TMEM132B: variants seen among roughly 807,000 people sequenced by gnomAD.
The protein encoded by TMEM132B is transmembrane protein 132B.
Under a neutral mutation model 90.8 loss-of-function variants are expected in TMEM132B, and 18 were observed. The observed-to-expected ratio is 0.20, with a 90% confidence interval of 0.14 to 0.29. The LOEUF is 0.29. TMEM132B is among the 10% of genes least tolerant of loss of function. TMEM132B has a pLI of 1.00. For missense variants in TMEM132B, 1,096 were observed against 1,326.8 expected, an observed-to-expected ratio of 0.83 and a Z score of 2.70; for synonymous variants, 504 against 523.3, an observed-to-expected ratio of 0.96 and a Z score of 0.50.
intron 5 of TMEM132B, among the ~76,000 whole-genome samples, chr12:125,589,984 G>A (rs915549298): frequency 3.3e-5 from 5 of 152,096 alleles, no homozygotes; most frequent in African/African-American, 1.2e-4. Flanking sequence ...TCATAGGTGC[G>A]GATCCCTCAT....
Position 125,477,166 on chromosome 12 carries a change from C to T in TMEM132B, c.1107-42273C>T, listed in dbSNP as rs568448525. On this transcript the variant is annotated intron_variant, in intron 3 of 8. Coordinates refer to ENST00000682704, the MANE Select transcript of TMEM132B (RefSeq NM_001366854.1). ...TGATAATTTATGTCTTTATCAACTGCGCATTTTACTTCTCACTGGGTTTTG... is the reference window on the plus strand; with the variant it reads ...TGATAATTTATGTCTTTATCAACTGTGCATTTTACTTCTCACTGGGTTTTG... Among the ~76,000 whole-genome samples the T allele has an allele frequency of 1.1e-3, 161 of 152,230 alleles. 16 individuals are homozygous for T. Among genetic ancestry groups the T allele is most frequent in the South Asian group, 4.1e-4 (2 of 4,820 alleles).
At chr12:125,210,729 C>T (rs918603201) in intron 1 of TMEM132B, among the ~76,000 whole-genome samples, 2 of 152,020 alleles carry the variant, frequency 1.3e-5, no homozygotes, top group African/African-American at 4.8e-5. Context: ...TTTGGGAGGC[C>T]GAGGTGGGCA....
intron 1 of TMEM132B, among the ~76,000 whole-genome samples, chr12:125,322,751 T>TA (rs1305355430): frequency 6.6e-6 from 1 of 152,146 alleles, no homozygotes; most frequent in Non-Finnish European, 1.5e-5. Context: ...TGATTATAAT[T>TA]AAAAAAATTC....
At chr12:125,578,919 G>A (rs1217608630) in intron 4 of TMEM132B, among the ~76,000 whole-genome samples, 7 of 151,974 alleles carry the variant, frequency 4.6e-5, no homozygotes, top group South Asian at 4.2e-4. Flanking sequence ...ATCTAGGTGC[G>A]GATCTCTCTG....
intron 5 of TMEM132B, chr12:125,622,554 C>T: frequency 1.0e-6 from 1 of 985,370 alleles, no homozygotes; most frequent in African/African-American, 1.7e-5. Context: ...TCACATCAAG[C>T]CTTCCTCGGT....
At chr12:125,265,265 A>G (rs879013177) in intron 1 of TMEM132B, among the ~76,000 whole-genome samples, 2 of 152,118 alleles carry the variant, frequency 1.3e-5, no homozygotes, top group African/African-American at 4.8e-5. Flanking sequence ...CAAGATCCCC[A>G]GTGGACGCCT....
intron 5 of TMEM132B, among the ~76,000 whole-genome samples, chr12:125,614,663 C>G (rs1178152263): frequency 8.5e-5 from 13 of 152,096 alleles, no homozygotes; most frequent in Non-Finnish European, 1.9e-4. Flanking sequence ...AAAGAGAACA[C>G]TTTTAGTGGG....
At chr12:125,221,478 A>C (rs1873555680) in intron 1 of TMEM132B, among the ~76,000 whole-genome samples, 1 of 152,232 alleles carries the variant, frequency 6.6e-6, no homozygotes, top group Non-Finnish European at 1.5e-5. Flanking sequence ...AAAATGTTTG[A>C]GATCTGAAAA....
intron 3 of TMEM132B, among the ~76,000 whole-genome samples, chr12:125,439,508 A>G (rs571086835): frequency 6.6e-6 from 1 of 152,288 alleles, no homozygotes; most frequent in East Asian, 1.9e-4. Flanking sequence ...TGATTTTTGC[A>G]CATTGATTTT....
chr12:125,625,361 G>A (rs1390131084), intron 5 of TMEM132B, among the ~76,000 whole-genome samples: 1 of 151,862 alleles, frequency 6.6e-6, no homozygotes, highest in African/African-American at 2.4e-5. Flanking sequence ...TCTCTATCTC[G>A]TGACCTCATG....
chr12:125,588,837 A>G (rs1340192284), intron 5 of TMEM132B, among the ~76,000 whole-genome samples: 1 of 152,178 alleles, frequency 6.6e-6, no homozygotes, highest in Non-Finnish European at 1.5e-5. Context: ...TCTGGTGGAA[A>G]TCTTGTCAGA....
chr12:125,355,558 A>G (rs556616367), intron 2 of TMEM132B, among the ~76,000 whole-genome samples: 14 of 152,306 alleles, frequency 9.2e-5, no homozygotes, highest in Admixed American at 2.0e-4. Context: ...GTGGAAGATC[A>G]GAGTTGTATT....
At chr12:125,393,963 G>C (rs1879100809) in intron 2 of TMEM132B, among the ~76,000 whole-genome samples, 1 of 152,212 alleles carries the variant, frequency 6.6e-6, no homozygotes, top group African/African-American at 2.4e-5. Context: ...GAGCCTCTGA[G>C]TAATGCTGTT....
intron 1 of TMEM132B, among the ~76,000 whole-genome samples, chr12:125,318,322 T>C (rs1293299932): frequency 6.6e-6 from 1 of 152,092 alleles, no homozygotes; most frequent in Non-Finnish European, 1.5e-5. Flanking sequence ...TTCTTTCTTT[T>C]TTTTTTTTCA....
chr12:125,646,888 A>G (rs1425567992), intron 6 of TMEM132B, among the ~76,000 whole-genome samples: 1 of 152,218 alleles, frequency 6.6e-6, no homozygotes, highest in Non-Finnish European at 1.5e-5. Flanking sequence ...GATAAATCAG[A>G]TGTTAGAATA....
chr12:125,360,771 A>T (rs1877933632), intron 2 of TMEM132B, among the ~76,000 whole-genome samples: 2 of 151,614 alleles, frequency 1.3e-5, no homozygotes, highest in Admixed American at 1.3e-4. Context: ...ATTAAAGGAA[A>T]ATAGGAGACG....
At chr12:125,393,237 G>A (rs892517660) in intron 2 of TMEM132B, among the ~76,000 whole-genome samples, 1 of 152,192 alleles carries the variant, frequency 6.6e-6, no homozygotes. Context: ...TCTGAGAAGT[G>A]CATATTGAGC....
intron 5 of TMEM132B, among the ~76,000 whole-genome samples, chr12:125,621,612 C>T (rs1290386047): frequency 6.6e-6 from 1 of 152,124 alleles, no homozygotes; most frequent in African/African-American, 2.4e-5. Flanking sequence ...TCCCAGCACT[C>T]CTTCATGCTG....
At chr12:125,533,555 C>T (rs1489777621) in intron 4 of TMEM132B, among the ~76,000 whole-genome samples, 1 of 152,216 alleles carries the variant, frequency 6.6e-6, no homozygotes, top group Non-Finnish European at 1.5e-5. Flanking sequence ...GACAAGGGGT[C>T]GCGATGGCAT....
Sources: gnomAD v4.1 joint callset for allele counts (sites outside exome capture counted in the v4.1 genomes callset) on GRCh38, gnomAD v4.1.1 for gene constraint, MANE v1.5 for transcripts, NCBI Gene and HGNC (gene_info 2026-07-23, HGNC 2026-07-21) for gene names.